The following PKHD1 variants were observed in gnomAD, a reference collection of about 807,000 sequenced individuals.
PKHD1 encodes PKHD1 ciliary IPT domain containing fibrocystin/polyductin.
In PKHD1, 291 loss-of-function variants were observed where a neutral mutation model predicts 412.0. The ratio of observed to expected loss-of-function variants is 0.71; its 90% CI spans 0.64 to 0.78. The LOEUF is 0.78. PKHD1 is among the 30% of genes least tolerant of loss of function. PKHD1 has a pLI of 0.00. For missense variants in PKHD1, 4,825 were observed against 4,950.7 expected (o/e 0.97, Z 0.76); for synonymous variants, 1,777 against 1,821.5 (o/e 0.98, Z 0.62).
At chr6:51,953,491 C>T (rs1367574195) in intron 36 of PKHD1, among the ~76,000 whole-genome samples, 4 of 151,790 alleles carry the variant, frequency 2.6e-5, no homozygotes, top group Non-Finnish European at 4.4e-5. Context: ...TGTAACATTT[C>T]TAGATAACTG....
chr6:51,781,238 G>A (rs1014496637), intron 53 of PKHD1, among the ~76,000 whole-genome samples: 33 of 151,982 alleles, frequency 2.2e-4, no homozygotes, highest in African/African-American at 7.3e-4. Flanking sequence ...TATTTGACTC[G>A]CTTATTCCTA....
Position 51,887,182 on chromosome 6 carries a change from G to A in PKHD1, c.7060C>T (p.Gln2354Ter), listed in dbSNP as rs1647940325. 1 of 1,613,410 alleles carries A rather than the reference G, an allele frequency of 6.2e-7. No individual in the cohort carries two copies. Among genetic ancestry groups the A allele is most frequent in the Non-Finnish European group, 8.5e-7 (1 of 1,179,320 alleles). ...FFHLMTNQTS[Q>*]APLLSFTQNI... ...TGAGTGAAGGAAAGAAGCGGAGCTT[G>A]TGATGTTTGGTTGGTCATGAGATGG... The change falls in exon 44 of 67, where the codon CAA becomes TAA. Residue 2354 changes from glutamine (Q) to a stop codon, truncating the protein, a stop_gained. Transcript: ENST00000371117. LOFTEE classifies it high-confidence loss of function.
At chr6:51,952,504 A>G (rs901576513) in intron 36 of PKHD1, among the ~76,000 whole-genome samples, 2 of 152,168 alleles carry the variant, frequency 1.3e-5, no homozygotes, top group Non-Finnish European at 2.9e-5. Context: ...TCCTTTCTTC[A>G]GCTTACAGCC....
intron 36 of PKHD1, among the ~76,000 whole-genome samples, chr6:51,959,659 C>G (rs537027705): frequency 6.6e-6 from 1 of 152,194 alleles, no homozygotes; most frequent in Non-Finnish European, 1.5e-5. Flanking sequence ...TTAAACTAAT[C>G]AAGCTCTGTG....
chr6:51,903,751 G>A (rs1781634461), intron 42 of PKHD1, 24 bp from the exon 43 acceptor site: 1 of 1,598,136 alleles, frequency 6.3e-7, no homozygotes, highest in Non-Finnish European at 8.6e-7. Flanking sequence ...AAATCCAGGG[G>A]ATCCACAAAC....
chr6:51,870,716 T>A, intron 46 of PKHD1, 77 bp from the exon 47 acceptor site: 1 of 1,180,752 alleles, frequency 8.5e-7, no homozygotes, highest in Non-Finnish European at 1.2e-6. Flanking sequence ...AATGCATGAA[T>A]AAAAACAAAG....
At chr6:51,843,936 C>CAATA (rs914003005) in intron 50 of PKHD1, among the ~76,000 whole-genome samples, 1 of 152,096 alleles carries the variant, frequency 6.6e-6, no homozygotes, top group African/African-American at 2.4e-5. Context: ...ATCACGGGAA[C>CAATA]AATATATCAT....
At chr6:51,808,090 A>G (rs1474106980) in intron 52 of PKHD1, among the ~76,000 whole-genome samples, 1 of 152,216 alleles carries the variant, frequency 6.6e-6, no homozygotes, top group Non-Finnish European at 1.5e-5. Flanking sequence ...CTTAAAAATT[A>G]AAGTACTTTT....
intron 35 of PKHD1, among the ~76,000 whole-genome samples, chr6:51,995,479 C>A (rs1172533902): frequency 1.3e-5 from 2 of 152,222 alleles, no homozygotes; most frequent in African/African-American, 4.8e-5. Context: ...ATCACTTAAA[C>A]GTAAACCATG....
rs1402055016 is a variant in PKHD1 at position 51,991,350 on chromosome 6, C to CA, written c.5751+18958dup. Among the ~76,000 whole-genome samples, 34 of 152,196 alleles carry CA rather than the reference C, an allele frequency of 2.2e-4. 1 individual carries two copies. The highest frequency in any genetic ancestry group is 8.0e-4 in the African/African-American group (33 of 41,436). On this transcript the variant is annotated intron_variant, in intron 35 of 66. Transcript: ENST00000371117. Reference sequence around the variant, plus strand: ...TTTTTAATACAAACCCTAGATGCCTCACGCCTTCTAGAAATTCAAATAAAT... The same window carrying CA: ...TTTTTAATACAAACCCTAGATGCCTCAACGCCTTCTAGAAATTCAAATAAAT...
At chr6:51,833,503 G>A (rs549307867) in intron 51 of PKHD1, among the ~76,000 whole-genome samples, 23 of 151,562 alleles carry the variant, frequency 1.5e-4, no homozygotes, top group African/African-American at 5.6e-4. Context: ...CAAATTTGTG[G>A]AGAGAAAAAG....
intron 60 of PKHD1, among the ~76,000 whole-genome samples, chr6:51,674,466 C>G (rs1251670387): frequency 6.6e-6 from 1 of 152,076 alleles, no homozygotes; most frequent in East Asian, 1.9e-4. Context: ...CTTCCCTTCC[C>G]TAAAACTTTC....
At chr6:51,737,727 AGTGT>A (rs58089479) in intron 60 of PKHD1, among the ~76,000 whole-genome samples, 293 of 149,644 alleles carry the variant, frequency 2.0e-3, no homozygotes, top group Middle Eastern at 0.01. Flanking sequence ...TGTGTGTGTG[AGTGT>A]GTGTGTGTGT....
intron 27 of PKHD1, among the ~76,000 whole-genome samples, chr6:52,042,600 T>C (rs969725218): frequency 2.0e-5 from 3 of 152,202 alleles, no homozygotes; most frequent in Non-Finnish European, 2.9e-5. Flanking sequence ...CACAAACTTA[T>C]GAAATATCAA....
chr6:51,807,477 A>ATG lies in PKHD1; in HGVS notation c.8303-16105_8303-16104insCA, dbSNP rs1248929886. On this transcript the variant is annotated intron_variant, in intron 52 of 66. Coordinates refer to ENST00000371117, the MANE Select transcript of PKHD1 (RefSeq NM_138694.4). ...AAAAAAAATATATATATATATATAT[A>ATG]TATGTATATGTGTGTGTGTGTGTGT... Among the ~76,000 whole-genome samples, 85 of 71,798 alleles carry ATG rather than the reference A, an allele frequency of 1.2e-3. 1 individual carries two copies. The highest frequency in any genetic ancestry group is 2.7e-3 in the Admixed American group (20 of 7,380). 47.1% of individuals were successfully genotyped at this position (71,798 alleles called of 152,430 possible). A position where few individuals can be genotyped will look rare whatever the true frequency, so the allele number is the denominator to read the frequency against.
chr6:52,075,487 A>G (rs1811219130), intron 6 of PKHD1, among the ~76,000 whole-genome samples: 1 of 152,220 alleles, frequency 6.6e-6, no homozygotes, highest in Admixed American at 6.5e-5. Flanking sequence ...CAAATTATAT[A>G]TAATCCTAGT....
chr6:51,843,662 G>T (rs1041287168), intron 50 of PKHD1, among the ~76,000 whole-genome samples: 1 of 152,184 alleles, frequency 6.6e-6, no homozygotes, highest in Non-Finnish European at 1.5e-5. Context: ...GCACGGCATA[G>T]AAGCTACAGT....
rs754626014 is a variant in PKHD1, at chr6:51,632,619, A to G, written c.11611T>C (p.Trp3871Arg). Residue 3871 changes from tryptophan to arginine, a missense_variant, in exon 65 of 67, where the codon TGG becomes CGG. Coordinates refer to ENST00000371117, the MANE Select transcript of PKHD1 (RefSeq NM_138694.4). ...CACACCAGACAGCTCAGAGCCAGCC[A>G]TGAGGCCACAGAGGACAGGGAAGCA... ...LAASLSSVAS[W>R]LALSCLVCCW... is the part of the protein sequence containing the mutation. 4 of 1,613,572 alleles carry G rather than the reference A, an allele frequency of 2.5e-6. No individual in the cohort carries two copies. The highest frequency in any genetic ancestry group is 4.5e-5 in the East Asian group (2 of 44,856).
chr6:51,806,041 T>G (rs1469986194), intron 52 of PKHD1, among the ~76,000 whole-genome samples: 1 of 143,356 alleles, frequency 7.0e-6, no homozygotes, highest in Non-Finnish European at 1.5e-5. Flanking sequence ...TATTTCTAGT[T>G]CTAGATCCCT....
Sources: gnomAD v4.1 joint callset for allele counts (sites outside exome capture counted in the v4.1 genomes callset) on GRCh38, gnomAD v4.1.1 for gene constraint, MANE v1.5 for transcripts, NCBI Gene and HGNC (gene_info 2026-07-23, HGNC 2026-07-21) for gene names.